Variants in SLC39A9 observed in about 807,000 individuals in gnomAD.
The protein encoded by SLC39A9 is zinc transporter ZIP9.
A neutral mutation model predicts 28.4 loss-of-function variants in SLC39A9; 14 were observed. The ratio of observed to expected loss-of-function variants is 0.49; its 90% CI spans 0.33 to 0.77. The LOEUF (loss-of-function observed/expected upper bound fraction) is 0.77, where lower values mean the gene tolerates loss of function less well. Ranked by LOEUF, SLC39A9 falls within the 30% of genes least tolerant of loss-of-function variation. SLC39A9 has a pLI of 0.02. For synonymous variants in SLC39A9, 119 were observed against 149.6 expected, an observed-to-expected ratio of 0.80 and a Z score of 1.49; for missense variants, 283 against 381.1, an observed-to-expected ratio of 0.74 and a Z score of 2.14.
rs1885798301 is a variant in SLC39A9, at chr14:69,455,148, T to TAGTAATA, written c.558+253_558+259dup. 2.0e-5 allele frequency among the ~76,000 whole-genome samples: 3 copies of TAGTAATA among 152,194 alleles called. No homozygotes were observed. In the South Asian group the frequency reaches 6.2e-4, roughly 31 times the overall value. On this transcript the variant is annotated intron_variant, in intron 5 of 6. Transcript: ENST00000336643. ...ATTCTCCTCAGATTTTTATATTTCA[T>TAGTAATA]AGTAATAATTTCTGTTCAAAAGTAT...
chr14:69,420,044 T>C (rs1417911382), intron 1 of SLC39A9, among the ~76,000 whole-genome samples: 1 of 152,236 alleles, frequency 6.6e-6, no homozygotes, highest in East Asian at 1.9e-4. Context: ...GTCATTATGA[T>C]GTTAGCTGGT....
chr14:69,407,102 G>A (rs573769091), intron 1 of SLC39A9, among the ~76,000 whole-genome samples: 9 of 151,436 alleles, frequency 5.9e-5, no homozygotes, highest in East Asian at 5.9e-4. Flanking sequence ...TGCCTGCCTC[G>A]GCCTCCCAAA....
Position 69,439,930 on chromosome 14 carries a change from C to T in SLC39A9, c.206-2139C>T, listed in dbSNP as rs552415026. Among the ~76,000 whole-genome samples, 3 of 152,228 alleles carry T rather than the reference C, an allele frequency of 2.0e-5. No homozygotes were observed. The East Asian group carries it at 5.8e-4, about 29-fold the overall frequency. ...AACGATCCTAAAATTCATATGTAAC[C>T]ACAAAAGGCCCTGAAGCCGGGGTAA... On this transcript the variant is annotated intron_variant, in intron 2 of 6. Coordinates refer to ENST00000336643, the MANE Select transcript of SLC39A9 (RefSeq NM_018375.5).
chr14:69,458,689 C>G lies in SLC39A9; in HGVS notation c.*96C>G, dbSNP rs1885982862. 6.9e-7 allele frequency: 1 copy of G among 1,453,500 alleles called. No individual in the cohort carries two copies. Among genetic ancestry groups the G allele is most frequent in the Non-Finnish European group, 9.1e-7 (1 of 1,102,488 alleles). The allele number at this position is 1,453,500 out of a possible 1,614,324, so 90.0% of individuals were successfully genotyped here. ...TCACTTCCTCAGTCTCTTGTCTCAC[C>G]TTGCGCATCTCTACATGTATTCCTA... On this transcript the variant is annotated 3_prime_UTR_variant, in exon 7 of 7. Transcript: ENST00000336643.
In SLC39A9 at chr14:69,399,202, A is replaced by C; in HGVS notation, c.-168A>C. Reference sequence around the variant, plus strand: ...CAGCAAAAAGGGTCTGTTGCCGGGTACGTTCAAGAGGAAGGTGCCTCGTGA... The same window carrying C: ...CAGCAAAAAGGGTCTGTTGCCGGGTCCGTTCAAGAGGAAGGTGCCTCGTGA... On this transcript the variant is annotated 5_prime_UTR_variant, in exon 1 of 7. Coordinates refer to ENST00000336643, the MANE Select transcript of SLC39A9 (RefSeq NM_018375.5). 5 of 627,726 alleles carry C rather than the reference A, an allele frequency of 8.0e-6. No individual in the cohort carries two copies. The highest frequency in any genetic ancestry group is 8.5e-6 in the Non-Finnish European group (3 of 354,876). The allele number at this position is 627,726 out of a possible 1,614,324, so 38.9% of individuals were successfully genotyped here.
chr14:69,421,634 C>A (rs1883900804), intron 1 of SLC39A9, among the ~76,000 whole-genome samples: 2 of 152,186 alleles, frequency 1.3e-5, no homozygotes, highest in Non-Finnish European at 2.9e-5. Context: ...GCAGGCAGGC[C>A]TCCTTGAGCT....
At chr14:69,430,269 G>A (rs144637167) in intron 2 of SLC39A9, among the ~76,000 whole-genome samples, 50 of 152,216 alleles carry the variant, frequency 3.3e-4, no homozygotes, top group African/African-American at 1.1e-3. Context: ...CCCTTGCTGA[G>A]CCCGAATTCA....
intron 1 of SLC39A9, among the ~76,000 whole-genome samples, chr14:69,417,188 A>G (rs894444277): frequency 1.3e-5 from 2 of 152,200 alleles, no homozygotes; most frequent in Non-Finnish European, 2.9e-5. Flanking sequence ...CTTTCTACAT[A>G]TGGCTAGCCA....
At chr14:69,407,286 C>CTTCCTTCCT (rs1882978611) in intron 1 of SLC39A9, among the ~76,000 whole-genome samples, 1 of 149,912 alleles carries the variant, frequency 6.7e-6, no homozygotes, top group Non-Finnish European at 1.5e-5. Context: ...CTTTCCTTTC[C>CTTCCTTCCT]TTCCTTCCCT....
chr14:69,427,264 A>C (rs777520182), intron 2 of SLC39A9, among the ~76,000 whole-genome samples: 1 of 152,086 alleles, frequency 6.6e-6, no homozygotes, highest in Non-Finnish European at 1.5e-5. Context: ...TCAGCCTTCC[A>C]AAGTGCTGGG....
intron 2 of SLC39A9, among the ~76,000 whole-genome samples, chr14:69,430,581 A>G (rs1255855713): frequency 7.0e-4 from 106 of 150,358 alleles, no homozygotes; most frequent in Non-Finnish European, 3.0e-5. Flanking sequence ...TTTATAGCAA[A>G]TCTTGAAATC....
At chr14:69,431,057 T>G (rs1248101184) in intron 2 of SLC39A9, among the ~76,000 whole-genome samples, 2 of 152,208 alleles carry the variant, frequency 1.3e-5, no homozygotes, top group Admixed American at 1.3e-4. Context: ...ATCTATAAAT[T>G]TGGGGGAGAA....
intron 1 of SLC39A9, among the ~76,000 whole-genome samples, chr14:69,416,988 T>G (rs1365896654): frequency 1.3e-5 from 2 of 152,236 alleles, no homozygotes; most frequent in African/African-American, 2.4e-5. Flanking sequence ...AGATCCCATT[T>G]GTCTATTTTG....
At position 69,461,181 on chromosome 14, in the gene SLC39A9, G is replaced by T; in HGVS notation, c.*2588G>T. ...AGACGCAATTGATGATGAGAAGCAT[G>T]ATTCTTGCTTCCATATAACCAAAGT... On this transcript the variant is annotated 3_prime_UTR_variant, in exon 7 of 7. Transcript: ENST00000336643. 2 of 987,502 alleles carry T rather than the reference G, an allele frequency of 2.0e-6. No individual in the cohort carries two copies. Among genetic ancestry groups the T allele is most frequent in the Non-Finnish European group, 2.4e-6 (2 of 831,266 alleles). 61.2% of individuals were successfully genotyped at this position (987,502 alleles called of 1,614,324 possible).
chr14:69,449,916 G>A (rs1198819063), intron 3 of SLC39A9, among the ~76,000 whole-genome samples: 1 of 151,980 alleles, frequency 6.6e-6, no homozygotes, highest in Non-Finnish European at 1.5e-5. Flanking sequence ...GGCTGGGCAC[G>A]GTGGCTCACA....
At chr14:69,398,419 C>G (rs552193571), upstream of SLC39A9, 2 of 721,860 alleles carry the variant, frequency 2.8e-6, no homozygotes, top group African/African-American at 3.6e-5. Flanking sequence ...GCTACTGACT[C>G]TGTTTCAGCC....
upstream of SLC39A9, chr14:69,398,415 G>T: frequency 1.3e-6 from 1 of 761,868 alleles, no homozygotes; most frequent in South Asian, 1.7e-5. Context: ...AGCAGCTACT[G>T]ACTCTGTTTC....
intron 2 of SLC39A9, 100 bp downstream of exon 2, chr14:69,424,302 C>T (rs1884068464): frequency 4.8e-6 from 4 of 837,068 alleles, no homozygotes; most frequent in Non-Finnish European, 6.0e-6. Flanking sequence ...TCATGTTTAC[C>T]ATAGAGTTCT....
intron 1 of SLC39A9, 30 bp from the exon 2 acceptor site, chr14:69,424,064 T>G: frequency 6.4e-7 from 1 of 1,551,340 alleles, no homozygotes; most frequent in Non-Finnish European, 8.9e-7. Context: ...TAATCAAAGT[T>G]TGCAATTATT....
Sources: allele counts gnomAD v4.1 joint callset (sites outside exome capture counted in the v4.1 genomes callset), GRCh38; gene constraint gnomAD v4.1.1; transcripts MANE v1.5; gene names NCBI Gene and HGNC (gene_info 2026-07-23, HGNC 2026-07-21).